Variants in INSC observed in about 807,000 individuals in gnomAD.
The protein encoded by INSC is protein inscuteable homolog.
A neutral mutation model predicts 58.6 loss-of-function variants in INSC; 67 were observed. The ratio of observed to expected loss-of-function variants is 1.14; its 90% CI spans 0.94 to 1.40. INSC has a LOEUF of 1.40. Among genes scored for constraint, INSC ranks in the 40% most tolerant of loss-of-function variants. The probability of loss-of-function intolerance (pLI) is 0.00; values close to 1 mark genes in which losing one functional copy is unlikely to be tolerated. For synonymous variants in INSC, 262 were observed against 276.1 expected, an observed-to-expected ratio of 0.95 and a Z score of 0.51; for missense variants, 714 against 692.0, an observed-to-expected ratio of 1.03 and a Z score of -0.36.
chr11:15,245,450 C>T (rs1193358251), intron 12 of INSC, among the ~76,000 whole-genome samples: 4 of 152,186 alleles, frequency 2.6e-5, no homozygotes, highest in African/African-American at 7.2e-5. Context: ...CAGCACCTCT[C>T]TTTCCTGTTC....
In INSC at chr11:15,246,289, T is replaced by G. The variant is rs577244894; in HGVS notation, c.*249T>G. On this transcript the variant is annotated 3_prime_UTR_variant, in exon 13 of 13. Coordinates refer to ENST00000379556, the MANE Select transcript of INSC (RefSeq NM_001042536.3). ...CAGTTGCAGATGTTGAAATTCGTAA[T>G]GACAAATATGACAAATTGTCATGGG... The G allele has an allele frequency of 3.3e-6, 1 of 307,234 alleles. No homozygotes were observed. The highest frequency in any genetic ancestry group is 4.6e-5 in the Admixed American group (1 of 21,940). 19.0% of individuals were successfully genotyped at this position (307,234 alleles called of 1,614,324 possible). A position where few individuals can be genotyped will look rare whatever the true frequency, so the allele number is the denominator to read the frequency against.
rs749904271 is a variant in INSC at position 15,221,579 on chromosome 11, C to T, written c.922C>T (p.His308Tyr). Residue 308 changes from histidine (H) to tyrosine (Y), a missense_variant, in exon 8 of 13, where the codon CAC becomes TAC. By Grantham distance (83) the His-to-Tyr change is moderately conservative. Coordinates refer to ENST00000379556, the MANE Select transcript of INSC (RefSeq NM_001042536.3). The stretch of plus-strand genomic sequence containing the variant: ...TGTGGTGGCCCAGGTCACCTCCCCA[C>T]ACCTGCCCGTCACCCAGCACCTCAG... ...AAVVAQVTSP[H>Y]LPVTQHLSSF... 1.7e-5 allele frequency: 27 copies of T among 1,613,910 alleles called. No individual in the cohort carries two copies. The Admixed American group carries it at 4.3e-4, about 26-fold the overall frequency.
At chr11:15,211,574 G>T (rs1275186604) in intron 7 of INSC, among the ~76,000 whole-genome samples, 24 of 152,090 alleles carry the variant, frequency 1.6e-4, no homozygotes. Flanking sequence ...TTTGTAGTCG[G>T]TGCTGCTTGC....
chr11:15,119,924 T>C (rs1847829196), intron 1 of INSC, among the ~76,000 whole-genome samples: 1 of 152,254 alleles, frequency 6.6e-6, no homozygotes, highest in African/African-American at 2.4e-5. Flanking sequence ...GTGTCTGGCA[T>C]AGAATAGGCA....
chr11:15,255,306 A>G, the INSC span, among the ~76,000 whole-genome samples: 31,957 of 152,156 alleles, frequency 0.21, 3,683 homozygotes, highest in African/African-American at 0.3. Flanking sequence ...ATATTTTAAC[A>G]CTTGTTAAAA....
the INSC span, among the ~76,000 whole-genome samples, chr11:15,262,811 A>G: frequency 6.6e-6 from 1 of 152,108 alleles, no homozygotes; most frequent in Non-Finnish European, 1.5e-5. Flanking sequence ...GCTCAAAGAC[A>G]TAGGAACTCA....
At chr11:15,222,033 G>A (rs575062739) in intron 8 of INSC, among the ~76,000 whole-genome samples, 3 of 152,246 alleles carry the variant, frequency 2.0e-5, no homozygotes, top group Admixed American at 2.0e-4. Flanking sequence ...TGTGCCCAGT[G>A]ACTATGGCAG....
chr11:15,175,762 C>A lies in INSC; in HGVS notation c.78C>A (p.Asp26Glu). The part of the protein sequence containing the change: ...PGQRLHLMQV[D>E]SVQRWMEDLK... ...GCAGGCTACACCTGATGCAGGTGGA[C>A]TCAGTCCAGCGCTGGATGGAAGATC... Residue 26 changes from aspartate to glutamate, a missense_variant, in exon 3 of 13, where the codon GAC becomes GAA. By Grantham distance (45) the Asp-to-Glu change is conservative. Transcript: ENST00000379556. 6.4e-7 allele frequency: 1 copy of A among 1,569,572 alleles called. No homozygotes were observed. The highest frequency in any genetic ancestry group is 8.7e-7 in the Non-Finnish European group (1 of 1,149,204).
In INSC at chr11:15,200,863, G is replaced by A. The variant is rs928718808; in HGVS notation, c.733G>A (p.Asp245Asn). 1.2e-6 allele frequency: 2 copies of A among 1,614,046 alleles called. No homozygotes were observed. The highest frequency in any genetic ancestry group is 2.7e-5 in the African/African-American group (2 of 75,028). The change falls in exon 7 of 13, where the codon GAC becomes AAC. Residue 245 changes from aspartate (D) to asparagine (N), a missense_variant. Asp to Asn is a conservative substitution (Grantham distance 23). Transcript: ENST00000379556. ...AGCACTCTTCAAGGTTTGCCGGCAGGACAGTTTCCGGTGCTTGTACCCCCA... is the reference window on the plus strand; with the variant it reads ...AGCACTCTTCAAGGTTTGCCGGCAGAACAGTTTCCGGTGCTTGTACCCCCA... ...VVALFKVCRQ[D>N]SFRCLYPQAL...
intron 9 of INSC, among the ~76,000 whole-genome samples, chr11:15,230,779 C>T (rs557379208): frequency 6.6e-6 from 1 of 152,218 alleles, no homozygotes; most frequent in Non-Finnish European, 1.5e-5. Flanking sequence ...GGGAGCTGGG[C>T]CTCACCCAGG....
At chr11:15,148,634 C>CATGCT (rs398069958) in intron 1 of INSC, among the ~76,000 whole-genome samples, 2 of 152,006 alleles carry the variant, frequency 1.3e-5, no homozygotes, top group African/African-American at 2.4e-5. Context: ...ACCACTATGC[C>CATGCT]GATAACAGGG....
chr11:15,197,359 A>G (rs1711499351), intron 6 of INSC, among the ~76,000 whole-genome samples: 1 of 152,190 alleles, frequency 6.6e-6, no homozygotes, highest in Non-Finnish European at 1.5e-5. Context: ...TCCTTCCTGA[A>G]TCTTCTCTCT....
chr11:15,247,736 T>TATATATATATATATAC (rs1491019820), downstream of INSC, among the ~76,000 whole-genome samples: 14 of 50,236 alleles, frequency 2.8e-4, no homozygotes, highest in Admixed American at 4.7e-4. Flanking sequence ...AAATAAGGTA[T>TATATATATATATATAC]ATATATATAT....
intron 9 of INSC, among the ~76,000 whole-genome samples, chr11:15,230,979 G>C (rs909231795): frequency 1.3e-5 from 2 of 152,092 alleles, no homozygotes; most frequent in African/African-American, 4.8e-5. Flanking sequence ...TTGTCTCTGG[G>C]TCTAGGTCAG....
At chr11:15,111,766 T>A (rs142387610), upstream of INSC, among the ~76,000 whole-genome samples, 3 of 152,324 alleles carry the variant, frequency 2.0e-5, no homozygotes, top group African/African-American at 7.2e-5. Flanking sequence ...TATAAAAGGT[T>A]ACTATGGCAG....
chr11:15,215,204 A>G (rs1851168809), intron 7 of INSC, among the ~76,000 whole-genome samples: 1 of 152,160 alleles, frequency 6.6e-6, no homozygotes, highest in Admixed American at 6.5e-5. Flanking sequence ...CTTCAGGCCC[A>G]GGCCCATTCC....
intron 7 of INSC, among the ~76,000 whole-genome samples, chr11:15,201,189 T>A (rs929952031): frequency 2.0e-5 from 3 of 152,170 alleles, no homozygotes; most frequent in Admixed American, 2.0e-4. Flanking sequence ...ACTCAGCACT[T>A]CCTGGGTGGG....
At chr11:15,129,308 C>T (rs1267472925) in intron 1 of INSC, among the ~76,000 whole-genome samples, 2 of 152,068 alleles carry the variant, frequency 1.3e-5, no homozygotes, top group African/African-American at 2.4e-5. Context: ...CAATATCCCA[C>T]TGTATTTATT....
At chr11:15,224,325 C>T (rs190524323) in intron 8 of INSC, among the ~76,000 whole-genome samples, 37 of 152,274 alleles carry the variant, frequency 2.4e-4, no homozygotes, top group African/African-American at 8.2e-4. Context: ...AGGCCCACTG[C>T]AGGTGTTTGA....
Sources: allele counts gnomAD v4.1 joint callset (sites outside exome capture counted in the v4.1 genomes callset), GRCh38; gene constraint gnomAD v4.1.1; transcripts MANE v1.5; gene names NCBI Gene and HGNC (gene_info 2026-07-23, HGNC 2026-07-21).